TDRD12: variants seen among roughly 807,000 people sequenced by gnomAD.
The protein encoded by TDRD12 is tudor domain containing 12, also known as putative ATP-dependent RNA helicase TDRD12.
In TDRD12, 158 loss-of-function variants were observed where a neutral mutation model predicts 133.5. That is an observed-to-expected ratio of 1.18 (90% confidence interval 1.04 to 1.35). TDRD12 has a LOEUF of 1.35. Among genes scored for constraint, TDRD12 ranks in the 40% most tolerant of loss-of-function variants. The pLI is 0.00. For synonymous variants in TDRD12, 460 were observed against 477.9 expected (o/e 0.96, Z 0.49); for missense variants, 1,443 against 1,321.3 (o/e 1.09, Z -1.43).
intron 2 of TDRD12, among the ~76,000 whole-genome samples, chr19:32,734,824 G>A (rs532097723): frequency 6.6e-6 from 1 of 152,134 alleles, no homozygotes; most frequent in South Asian, 2.1e-4. Context: ...ATGTCTCTGT[G>A]TCACATCTTG....
At chr19:32,826,191 GT>G (rs1568503060), downstream of TDRD12, 4 of 1,531,320 alleles carry the variant, frequency 2.6e-6, no homozygotes, top group East Asian at 7.3e-5. Flanking sequence ...AGGAGTCGGC[GT>G]CCCTTACCCA....
intron 11 of TDRD12, 45 bp downstream of exon 11, chr19:32,777,274 T>C: frequency 8.7e-7 from 1 of 1,153,050 alleles, no homozygotes; most frequent in Admixed American, 2.8e-5. Flanking sequence ...GAAATAATTA[T>C]AATAAAATTA....
At position 32,800,375 on chromosome 19, in the gene TDRD12, GT is replaced by G. The variant is rs1971352252; in HGVS notation, c.1950+18del. ...GTCCAACAGGTAACTTTGTGTGTAT[GT>G]GTATGTGTATGTGTGTGTGTGTGTG... On this transcript the variant is annotated intron_variant, in intron 17 of 27. Coordinates refer to ENST00000444215, the Ensembl canonical transcript of TDRD12. 2.0e-6 allele frequency: 3 copies of G among 1,469,212 alleles called. No individual in the cohort carries two copies. The highest frequency in any genetic ancestry group is 1.4e-5 in the African/African-American group (1 of 70,734). The allele number at this position is 1,469,212 out of a possible 1,614,324, so 91.0% of individuals were successfully genotyped here.
intron 2 of TDRD12, among the ~76,000 whole-genome samples, chr19:32,733,761 C>G (rs1030797639): frequency 2.0e-5 from 3 of 152,142 alleles, no homozygotes; most frequent in African/African-American, 4.8e-5. Context: ...GGGGTTTTCT[C>G]TCATTCCTTC....
chr19:32,780,497 G>C (rs1043956949), intron 11 of TDRD12, among the ~76,000 whole-genome samples: 6 of 152,210 alleles, frequency 3.9e-5, no homozygotes, highest in African/African-American at 1.4e-4. Flanking sequence ...TCCAGGGTCA[G>C]ACACTGTCCT....
intron 6 of TDRD12, among the ~76,000 whole-genome samples, chr19:32,753,018 T>C (rs752848408): frequency 6.6e-6 from 1 of 151,736 alleles, no homozygotes; most frequent in Non-Finnish European, 1.5e-5. Flanking sequence ...GGTCTCGATC[T>C]CCTGACCTCG....
chr19:32,806,903 T>C (rs184242802), intron 21 of TDRD12, among the ~76,000 whole-genome samples: 228 of 150,462 alleles, frequency 1.5e-3, no homozygotes, highest in Non-Finnish European at 2.8e-3. Flanking sequence ...CTCAGGTTAT[T>C]TGCCTGTCTT....
downstream of TDRD12, among the ~76,000 whole-genome samples, chr19:32,822,123 A>AAAAAAC (rs200513431): frequency 2.0e-5 from 3 of 152,102 alleles, no homozygotes; most frequent in Non-Finnish European, 2.9e-5. Flanking sequence ...TATAAAAAAC[A>AAAAAAC]AAAAACAAAA....
In TDRD12 at chr19:32,738,917, C is replaced by T. The variant is rs767866241; in HGVS notation, c.245C>T (p.Thr82Met). ...TGCAGGGCCATTGTCAAATCAATTA[C>T]GTCTTCCGCAGACCAGTACCTGGCA... Residue 82 changes from threonine to methionine, a missense_variant, in exon 3 of 28, where the codon ACG (threonine) becomes ATG (methionine). Coordinates refer to ENST00000444215, the Ensembl canonical transcript of TDRD12. The T allele has an allele frequency of 1.5e-5, 24 of 1,551,286 alleles. No individual in the cohort carries two copies. Among genetic ancestry groups the T allele is most frequent in the Middle Eastern group, 1.8e-4 (1 of 5,702 alleles).
Position 32,789,766 on chromosome 19 carries a change from C to T in TDRD12, c.1122-765C>T, listed in dbSNP as rs375146837. 4.5e-4 allele frequency among the ~76,000 whole-genome samples: 68 copies of T among 152,212 alleles called. No individual in the cohort carries two copies. The South Asian group carries it at 0.014, about 31-fold the overall frequency. ...CTATAATCCCAGCAGTTTGGGAAGC[C>T]GAGGCAGGCGGTTCACCTGAGGTCA... is the stretch of plus-strand genomic sequence containing the variant. On this transcript the variant is annotated intron_variant, in intron 11 of 27. Transcript: ENST00000444215.
intron 14 of TDRD12, among the ~76,000 whole-genome samples, 185 bp from the exon 15 acceptor site, chr19:32,797,550 A>C (rs1268266611): frequency 6.6e-6 from 1 of 152,218 alleles, no homozygotes; most frequent in African/African-American, 2.4e-5. Flanking sequence ...GACTCAGCAA[A>C]TATGACTCAA....
chr19:32,828,224 A>G (rs1303591238), exon 10 of TDRD12: 1 of 152,214 alleles, frequency 6.6e-6, no homozygotes, highest in African/African-American at 2.4e-5. Context: ...TGCTGGTTCT[A>G]AACAATCCCT....
chr19:32,807,267 TAAAAA>T (rs59421213), intron 21 of TDRD12, among the ~76,000 whole-genome samples: 24 of 47,204 alleles, frequency 5.1e-4, no homozygotes, highest in East Asian at 2.6e-3. Context: ...ACCAAACTCT[TAAAAA>T]AAAAAAAAAA....
At chr19:32,764,251 C>T (rs1970233906) in intron 8 of TDRD12, among the ~76,000 whole-genome samples, 1 of 151,872 alleles carries the variant, frequency 6.6e-6, no homozygotes, top group Non-Finnish European at 1.5e-5. Flanking sequence ...GCTGGGACTA[C>T]AGGCGCCTGC....
At chr19:32,761,064 A>G (rs551737815) in intron 8 of TDRD12, among the ~76,000 whole-genome samples, 1 of 152,312 alleles carries the variant, frequency 6.6e-6, no homozygotes, top group South Asian at 2.1e-4. Context: ...CTGGTTATCA[A>G]AGAGACGTCG....
chr19:32,797,164 A>G (rs916401850), intron 14 of TDRD12, among the ~76,000 whole-genome samples: 5 of 148,678 alleles, frequency 3.4e-5, no homozygotes, highest in Non-Finnish European at 6.1e-5. Context: ...TATTTTTAGT[A>G]GAGATGGGGT....
chr19:32,800,896 A>T, intron 18 of TDRD12, 124 bp downstream of exon 18: 1 of 1,027,808 alleles, frequency 9.7e-7, no homozygotes, highest in Non-Finnish European at 1.3e-6. Flanking sequence ...GTTTAACATC[A>T]ATCAGAAGAG....
intron 9 of TDRD12, 140 bp downstream of exon 9, chr19:32,772,990 A>T: frequency 4.2e-6 from 2 of 471,430 alleles, no homozygotes; most frequent in Non-Finnish European, 7.3e-6. Context: ...TTCATGAGAA[A>T]ATATAGTTTG....
intron 7 of TDRD12, 58 bp from the exon 8 acceptor site, chr19:32,756,980 C>T: frequency 2.1e-6 from 3 of 1,432,864 alleles, no homozygotes; most frequent in Non-Finnish European, 2.9e-6. Context: ...AACGAGTTCA[C>T]ATTTTTATTT....
Sources: gnomAD v4.1 joint callset for allele counts (sites outside exome capture counted in the v4.1 genomes callset) on GRCh38, gnomAD v4.1.1 for gene constraint, MANE v1.5 for transcripts, NCBI Gene and HGNC (gene_info 2026-07-23, HGNC 2026-07-21) for gene names.